Variants in CIBAR1 observed in about 807,000 individuals in gnomAD.
CIBAR1 encodes the protein CBY1-interacting BAR domain-containing protein 1.
In CIBAR1, 25 loss-of-function variants were observed where a neutral mutation model predicts 44.0. That is an observed-to-expected ratio of 0.57 (90% confidence interval 0.41 to 0.79). CIBAR1 has a LOEUF of 0.79. CIBAR1 is among the 30% of genes least tolerant of loss of function. CIBAR1 has a pLI of 0.00. For missense variants in CIBAR1, 278 were observed against 344.8 expected, an observed-to-expected ratio of 0.81 and a Z score of 1.53; for synonymous variants, 115 against 119.0, an observed-to-expected ratio of 0.97 and a Z score of 0.22.
At chr8:93,727,591 C>T (rs1291560074) in intron 8 of CIBAR1, among the ~76,000 whole-genome samples, 1 of 152,168 alleles carries the variant, frequency 6.6e-6, no homozygotes, top group Non-Finnish European at 1.5e-5. Flanking sequence ...CAGATATTAG[C>T]ATCCCCCGCC....
chr8:93,716,535 A>C (rs916929630), intron 6 of CIBAR1, among the ~76,000 whole-genome samples: 9 of 152,094 alleles, frequency 5.9e-5, no homozygotes, highest in Non-Finnish European at 1.2e-4. Context: ...GGAATTTCTT[A>C]CTAATTTCTA....
At chr8:93,722,087 A>G (rs546917283) in intron 7 of CIBAR1, among the ~76,000 whole-genome samples, 121 of 152,360 alleles carry the variant, frequency 7.9e-4, no homozygotes, top group Non-Finnish European at 1.4e-3. Flanking sequence ...CACGTGTTCA[A>G]TGAACCACAG....
chr8:93,723,802 G>T (rs973898009), intron 7 of CIBAR1, among the ~76,000 whole-genome samples: 2 of 152,122 alleles, frequency 1.3e-5, no homozygotes, highest in East Asian at 1.9e-4. Context: ...GAAAGATGGC[G>T]TTTTACATTG....
intron 1 of CIBAR1, 120 bp from the exon 2 acceptor site, chr8:93,701,104 T>C: frequency 6.7e-7 from 1 of 1,492,674 alleles, no homozygotes; most frequent in Non-Finnish European, 8.9e-7. Flanking sequence ...CGCTGGGTCG[T>C]TGATGGGTTT....
At chr8:93,716,376 A>G (rs554862914) in intron 6 of CIBAR1, among the ~76,000 whole-genome samples, 271 of 151,868 alleles carry the variant, frequency 1.8e-3, no homozygotes, top group African/African-American at 6.1e-3. Flanking sequence ...TAATATGACA[A>G]TGTTGACACC....
At chr8:93,707,727 T>G (rs921891702) in intron 4 of CIBAR1, among the ~76,000 whole-genome samples, 1 of 152,180 alleles carries the variant, frequency 6.6e-6, no homozygotes, top group African/African-American at 2.4e-5. Context: ...TTCCTGGTTA[T>G]GATTAAGTTG....
intron 7 of CIBAR1, among the ~76,000 whole-genome samples, chr8:93,725,637 G>C (rs1811459118): frequency 6.6e-6 from 1 of 152,064 alleles, no homozygotes; most frequent in South Asian, 2.1e-4. Context: ...TCTTGAGCTT[G>C]TTTTTTAGGA....
intron 6 of CIBAR1, 145 bp from the exon 7 acceptor site, chr8:93,718,530 T>C (rs1224708536): frequency 2.3e-6 from 1 of 436,126 alleles, no homozygotes; most frequent in Admixed American, 4.1e-5. Context: ...TGTTTTTCAG[T>C]TATCTTTTGT....
At chr8:93,727,369 AAC>A in intron 8 of CIBAR1, 1 of 400,698 alleles carries the variant, frequency 2.5e-6, no homozygotes, top group Non-Finnish European at 4.4e-6. Flanking sequence ...AAGTGCCTTG[AAC>A]ATAAATTCCA....
At chr8:93,703,492 G>T (rs1810452866) in intron 2 of CIBAR1, 128 bp from the exon 3 acceptor site, 1 of 562,556 alleles carries the variant, frequency 1.8e-6, no homozygotes, top group Admixed American at 3.6e-5. Flanking sequence ...CTATTACTGT[G>T]CAGCTTAACA....
At chr8:93,724,490 A>G (rs1480007143) in intron 7 of CIBAR1, 8 of 625,030 alleles carry the variant, frequency 1.3e-5, no homozygotes, top group Admixed American at 1.2e-4. Flanking sequence ...ATGCCTGGCT[A>G]ATTTTCATAT....
At chr8:93,705,270 A>G (rs189607780) in intron 4 of CIBAR1, 55 of 414,462 alleles carry the variant, frequency 1.3e-4, no homozygotes, top group Non-Finnish European at 2.2e-4. Context: ...TAAACAGTAA[A>G]TTCAAATTTC....
intron 7 of CIBAR1, chr8:93,725,866 C>G (rs1475790934): frequency 6.5e-6 from 1 of 153,146 alleles, no homozygotes; most frequent in Admixed American, 6.5e-5. Flanking sequence ...AAAGATGGAG[C>G]TAGAAAGGCT....
intron 7 of CIBAR1, chr8:93,724,531 C>T: frequency 9.8e-7 from 1 of 1,016,200 alleles, no homozygotes; most frequent in Non-Finnish European, 1.4e-6. Context: ...CGCCATGTTG[C>T]CCAGGCTGGT....
rs1436979750 is a variant in CIBAR1 at position 93,728,503 on chromosome 8, A to C, written c.*206A>C. 3 of 397,500 alleles carry C rather than the reference A, an allele frequency of 7.5e-6. No homozygotes were observed. The East Asian group carries it at 1.3e-4, about 17-fold the overall frequency. 24.6% of individuals were successfully genotyped at this position (397,500 alleles called of 1,614,324 possible). On this transcript the variant is annotated 3_prime_UTR_variant, in exon 9 of 9. Transcript: ENST00000518322. ...ATTTCAACATCCTACCTAGTGTTACATGATTTTTGTGTAAGTGCCTTTTTT... is the reference window on the plus strand; with the variant it reads ...ATTTCAACATCCTACCTAGTGTTACCTGATTTTTGTGTAAGTGCCTTTTTT...
At chr8:93,707,053 A>G (rs950393923) in intron 4 of CIBAR1, 1 of 202,300 alleles carries the variant, frequency 4.9e-6, no homozygotes, top group Non-Finnish European at 1.0e-5. Flanking sequence ...CCTATAATGC[A>G]GTGTGAGAAA....
intron 7 of CIBAR1, among the ~76,000 whole-genome samples, chr8:93,722,183 T>C (rs1487533151): frequency 6.6e-6 from 1 of 152,184 alleles, no homozygotes; most frequent in Non-Finnish European, 1.5e-5. Flanking sequence ...TTGATGTAAC[T>C]GATATATCAA....
chr8:93,720,284 GT>G (rs1301044331), intron 7 of CIBAR1, among the ~76,000 whole-genome samples: 3 of 151,694 alleles, frequency 2.0e-5, no homozygotes, highest in Non-Finnish European at 4.4e-5. Flanking sequence ...GCCTGGCCTA[GT>G]TTTTTTTGTA....
At chr8:93,704,788 C>T (rs768353583) in intron 3 of CIBAR1, 121 bp from the exon 4 acceptor site, 3 of 582,888 alleles carry the variant, frequency 5.1e-6, no homozygotes, top group Non-Finnish European at 9.1e-6. Context: ...GTAATGGTAC[C>T]AGGATCACAC....
Sources: gnomAD v4.1 joint callset for allele counts (sites outside exome capture counted in the v4.1 genomes callset) on GRCh38, gnomAD v4.1.1 for gene constraint, MANE v1.5 for transcripts, NCBI Gene and HGNC (gene_info 2026-07-23, HGNC 2026-07-21) for gene names.